Variants in BMERB1 observed in about 807,000 individuals in gnomAD.
The protein encoded by BMERB1 is bMERB domain containing 1.
BMERB1 carries 12 observed loss-of-function variants against 23.6 expected under a neutral mutation model. The observed-to-expected ratio is 0.51, with a 90% CI of 0.33 to 0.82. BMERB1 has a LOEUF of 0.82. Among genes scored for constraint, BMERB1 ranks in the 40% least tolerant of loss-of-function variants. The pLI is 0.03. For missense variants in BMERB1, 247 were observed against 255.4 expected, an observed-to-expected ratio of 0.97 and a Z score of 0.22; for synonymous variants, 122 against 96.6, an observed-to-expected ratio of 1.26 and a Z score of -1.54.
chr16:15,517,453 G>A (rs146093029), intron 2 of BMERB1, among the ~76,000 whole-genome samples: 2 of 152,244 alleles, frequency 1.3e-5, no homozygotes, highest in African/African-American at 4.8e-5. Context: ...GGAGGCTACA[G>A]CGAGCTGAGA....
At chr16:15,528,925 ACTAT>A (rs1291629326) in intron 2 of BMERB1, among the ~76,000 whole-genome samples, 53 of 152,242 alleles carry the variant, frequency 3.5e-4, no homozygotes, top group Admixed American at 1.2e-3. Flanking sequence ...GTGAGAACTC[ACTAT>A]CTATGAGGAA....
At chr16:15,541,742 C>T (rs1044625396) in intron 2 of BMERB1, among the ~76,000 whole-genome samples, 3 of 151,074 alleles carry the variant, frequency 2.0e-5, no homozygotes, top group Non-Finnish European at 1.5e-5. Context: ...GCTGGGCCTA[C>T]AGGCGCCTGC....
chr16:15,518,452 A>G (rs1194187674), intron 2 of BMERB1, among the ~76,000 whole-genome samples: 1 of 152,170 alleles, frequency 6.6e-6, no homozygotes, highest in Non-Finnish European at 1.5e-5. Flanking sequence ...CACCTGCCTC[A>G]TCAATCTCAG....
intron 2 of BMERB1, among the ~76,000 whole-genome samples, chr16:15,560,952 CTTT>C (rs1166759122): frequency 5.6e-5 from 6 of 106,652 alleles, no homozygotes; most frequent in African/African-American, 2.4e-4. Context: ...TTCTCTGCTG[CTTT>C]TTTTTTTTTT....
chr16:15,535,340 G>A (rs1428631559), intron 2 of BMERB1, among the ~76,000 whole-genome samples: 5 of 151,736 alleles, frequency 3.3e-5, no homozygotes, highest in African/African-American at 1.2e-4. Flanking sequence ...AACAGAGTGA[G>A]ACTCTGTCTC....
chr16:15,550,599 A>C (rs773135336), intron 2 of BMERB1, among the ~76,000 whole-genome samples: 1 of 151,340 alleles, frequency 6.6e-6, no homozygotes, highest in East Asian at 1.9e-4. Context: ...CAGCCTCCCA[A>C]AGTGCTGGGA....
chr16:15,582,792 C>G (rs145733803), intron 4 of BMERB1, among the ~76,000 whole-genome samples: 1 of 152,276 alleles, frequency 6.6e-6, no homozygotes, highest in African/African-American at 2.4e-5. Context: ...GTGACTCGCT[C>G]TCTGAGACCT....
At chr16:15,564,303 TG>T (rs1379333454) in intron 2 of BMERB1, among the ~76,000 whole-genome samples, 1 of 152,036 alleles carries the variant, frequency 6.6e-6, no homozygotes, top group African/African-American at 2.4e-5. Context: ...CATGTTTTTT[TG>T]TGTGTGTGTA....
chr16:15,444,136 T>TTG (rs2050969003), intron 1 of BMERB1, among the ~76,000 whole-genome samples: 2 of 130,252 alleles, frequency 1.5e-5, no homozygotes, highest in Non-Finnish European at 1.6e-5. Flanking sequence ...TTTTTTTTTT[T>TTG]TTTTTTTTTT....
At chr16:15,555,850 T>C (rs527391890) in intron 2 of BMERB1, among the ~76,000 whole-genome samples, 32 of 152,116 alleles carry the variant, frequency 2.1e-4, no homozygotes, top group African/African-American at 7.7e-4. Flanking sequence ...TGCACATGTT[T>C]ATCATCTTGG....
chr16:15,471,430 T>C (rs1169237545), intron 1 of BMERB1, among the ~76,000 whole-genome samples: 1 of 152,238 alleles, frequency 6.6e-6, no homozygotes, highest in Non-Finnish European at 1.5e-5. Flanking sequence ...TAATTCGTCT[T>C]GGATGAGTTT....
chr16:15,501,177 G>A (rs1364122543), intron 1 of BMERB1, among the ~76,000 whole-genome samples: 1 of 149,730 alleles, frequency 6.7e-6, no homozygotes, highest in Admixed American at 6.6e-5. Flanking sequence ...GGGTCTCGTT[G>A]CTATGTTGCC....
chr16:15,454,790 T>TA (rs11452641), intron 1 of BMERB1, among the ~76,000 whole-genome samples: 132,775 of 144,278 alleles, frequency 0.92, 61,711 homozygotes, highest in Non-Finnish European at 0.99. Flanking sequence ...AGACTCAGTC[T>TA]AAAAAAAAAA....
intron 1 of BMERB1, among the ~76,000 whole-genome samples, chr16:15,497,763 G>A (rs2051487879): frequency 6.6e-6 from 1 of 152,140 alleles, no homozygotes; most frequent in Non-Finnish European, 1.5e-5. Flanking sequence ...TGATCTGCAG[G>A]GAGGAAAGCC....
At chr16:15,535,648 C>CAAAAA (rs34379447) in intron 2 of BMERB1, among the ~76,000 whole-genome samples, 5 of 100,688 alleles carry the variant, frequency 5.0e-5, no homozygotes, top group African/African-American at 2.0e-4. Context: ...GACTCCATCT[C>CAAAAA]AAAAAAAAAA....
intron 2 of BMERB1, among the ~76,000 whole-genome samples, chr16:15,521,203 C>T (rs959537529): frequency 1.3e-5 from 2 of 152,208 alleles, no homozygotes; most frequent in South Asian, 2.1e-4. Context: ...GCTTTCTATG[C>T]GGCGAGCAGC....
chr16:15,531,626 T>G (rs2051968458), intron 2 of BMERB1, among the ~76,000 whole-genome samples: 1 of 152,170 alleles, frequency 6.6e-6, no homozygotes, highest in South Asian at 2.1e-4. Flanking sequence ...CTTCATCCTG[T>G]GCCGGGTTCT....
At chr16:15,452,329 AGG>A (rs1406834274) in intron 1 of BMERB1, among the ~76,000 whole-genome samples, 11 of 90,690 alleles carry the variant, frequency 1.2e-4, no homozygotes, top group Non-Finnish European at 2.6e-4. Context: ...AGAGGGAGGG[AGG>A]GAGAGAGAGA....
chr16:15,552,592 G>T (rs550838425), intron 2 of BMERB1, among the ~76,000 whole-genome samples: 1 of 152,336 alleles, frequency 6.6e-6, no homozygotes, highest in African/African-American at 2.4e-5. Context: ...GGCCAACCTT[G>T]CATGCACTGG....
Sources: gnomAD v4.1 joint callset for allele counts (sites outside exome capture counted in the v4.1 genomes callset) on GRCh38, gnomAD v4.1.1 for gene constraint, MANE v1.5 for transcripts, NCBI Gene and HGNC (gene_info 2026-07-23, HGNC 2026-07-21) for gene names.